The following ZSWIM9 variants were observed in gnomAD, a reference collection of about 807,000 sequenced individuals.
The protein encoded by ZSWIM9 is zinc finger SWIM-type containing 9.
In ZSWIM9, 11 loss-of-function variants were observed where a neutral mutation model predicts 25.0. The ratio of observed to expected loss-of-function variants is 0.44; its 90% CI spans 0.28 to 0.73. The LOEUF (loss-of-function observed/expected upper bound fraction) is 0.73. ZSWIM9 is among the 30% of genes least tolerant of loss of function. ZSWIM9 has a pLI of 0.16. For missense variants in ZSWIM9, 1,070 were observed against 1,296.5 expected (o/e 0.83, Z 2.68); for synonymous variants, 562 against 582.1 (o/e 0.97, Z 0.50).
chr19:48,180,325 A>AT (rs33956249), intron 2 of ZSWIM9, among the ~76,000 whole-genome samples: 27,553 of 140,228 alleles, frequency 0.2, 3,187 homozygotes, highest in African/African-American at 0.34. Flanking sequence ...CATTCTTCCA[A>AT]TTTTTTTTTT....
intron 3 of ZSWIM9, among the ~76,000 whole-genome samples, chr19:48,190,203 CAA>C (rs34456808): frequency 6.4e-4 from 84 of 130,562 alleles, no homozygotes; most frequent in Middle Eastern, 3.9e-3. Flanking sequence ...GACTCCATCT[CAA>C]AAAAAAAAAA....
intron 2 of ZSWIM9, chr19:48,180,869 T>C (rs1321633800): frequency 1.3e-5 from 2 of 150,408 alleles, no homozygotes; most frequent in African/African-American, 4.9e-5. Context: ...GCCATTCTCC[T>C]TCCTCAGCCT....
chr19:48,180,093 C>T (rs569169103), intron 2 of ZSWIM9, among the ~76,000 whole-genome samples: 6 of 151,824 alleles, frequency 4.0e-5, no homozygotes, highest in East Asian at 3.9e-4. Flanking sequence ...CTCGGCTCAC[C>T]GCAACGTCCG....
rs553568584 is a variant in ZSWIM9, at chr19:48,197,167, G to A, written c.*340G>A. The A allele has an allele frequency of 1.3e-5, 9 of 697,138 alleles. No individual in the cohort carries two copies. Among genetic ancestry groups the A allele is most frequent in the South Asian group, 3.0e-5 (2 of 66,886 alleles). The allele number at this position is 697,138 out of a possible 1,614,324, so 43.2% of individuals were successfully genotyped here. A position where few individuals can be genotyped will look rare whatever the true frequency, so the allele number is the denominator to read the frequency against. On this transcript the variant is annotated 3_prime_UTR_variant, in exon 4 of 4. Coordinates refer to ENST00000614654, the MANE Select transcript of ZSWIM9 (RefSeq NM_199341.4). ...AGAGCTGGGGGGAGGGGGAGGAAGC[G>A]ATCATATGGGGAGTGTCTGGCAAGA...
At chr19:48,192,466 A>ATGTATAT (rs1480286362) in intron 3 of ZSWIM9, among the ~76,000 whole-genome samples, 4 of 22,798 alleles carry the variant, frequency 1.8e-4, no homozygotes, top group Non-Finnish European at 4.1e-4. Flanking sequence ...AAAAAAAAAA[A>ATGTATAT]AAAAAAAAAA....
rs936038129 is a variant in ZSWIM9, at chr19:48,195,411, C to T, written c.1347C>T (p.Gly449=). 2.1e-5 allele frequency: 31 copies of T among 1,460,520 alleles called. No individual in the cohort carries two copies. The highest frequency in any genetic ancestry group is 2.7e-5 in the Non-Finnish European group (30 of 1,115,976). 90.5% of individuals were successfully genotyped at this position (1,460,520 alleles called of 1,614,324 possible). A position where few individuals can be genotyped will look rare whatever the true frequency, so the allele number is the denominator to read the frequency against. The change falls in exon 4 of 4, where the codon GGC becomes GGT. Residue 449 remains glycine (G), a synonymous_variant. Transcript: ENST00000614654. This position sits in a 1 kb window ranked among gnomAD's most constrained non-coding sequence, Gnocchi z 5.8. ...AGEAVPEGPD[G]GGPWLEDEPG... ...AGGCGGTGCCCGAGGGGCCCGATGG[C>T]GGGGGGCCTTGGCTGGAGGATGAGC...
chr19:48,181,505 T>C (rs2036948259), intron 2 of ZSWIM9: 1 of 152,216 alleles, frequency 6.6e-6, no homozygotes, highest in South Asian at 2.1e-4. Flanking sequence ...TCTCACTCTA[T>C]TGTTGGATAT....
At position 48,196,123 on chromosome 19, in the gene ZSWIM9, G is replaced by C; in HGVS notation, c.2059G>C (p.Glu687Gln). The C allele has an allele frequency of 8.0e-7, 1 of 1,243,752 alleles. No individual in the cohort carries two copies. The highest frequency in any genetic ancestry group is 3.8e-5 in the South Asian group (1 of 26,220). The allele number at this position is 1,243,752 out of a possible 1,614,324, so 77.0% of individuals were successfully genotyped here. Reference protein sequence around the residue: ...ENGDQRGPQWEDERRRGPEIA... With the variant: ...ENGDQRGPQWQDERRRGPEIA... ...CGGAGACCAAAGGGGACCCCAGTGG[G>C]AAGATGAGAGGAGGAGAGGGCCAGA... The change falls in exon 4 of 4, where the codon GAA (glutamate) becomes CAA (glutamine). Residue 687 changes from glutamate to glutamine, a missense_variant. Physicochemically the swap from Glu to Gln is conservative, Grantham distance 29. Around this residue, in one of 4 missense-constraint regions of ZSWIM9, gnomAD observed 583 missense variants for 624.7 expected, o/e 0.93. Transcript: ENST00000614654.
intron 2 of ZSWIM9, 50 bp downstream of exon 2, chr19:48,172,127 G>T: frequency 7.3e-7 from 1 of 1,369,340 alleles, no homozygotes; most frequent in Non-Finnish European, 9.8e-7. Context: ...GAGCACCGGG[G>T]GTGGGTGTGG....
At chr19:48,189,203 ATTG>A (rs1483465125) in intron 3 of ZSWIM9, among the ~76,000 whole-genome samples, 1 of 152,158 alleles carries the variant, frequency 6.6e-6, no homozygotes, top group African/African-American at 2.4e-5. Context: ...AAGGTTAATC[ATTG>A]TTGTTTGTGA....
chr19:48,182,802 G>T lies in ZSWIM9; in HGVS notation c.588+35G>T. On this transcript the variant is annotated intron_variant, in intron 3 of 3. Transcript: ENST00000614654. The surrounding 1 kb of genome is among the most constrained non-coding windows in gnomAD (Gnocchi z 4.6). ...CGAGAGAGGCAGGCCGGGGGAGGGG[G>T]CGGGGGAAAGCCGCGCTGAAGACTC... 1.4e-6 allele frequency: 2 copies of T among 1,467,870 alleles called. No homozygotes were observed. Among genetic ancestry groups the T allele is most frequent in the South Asian group, 2.6e-5 (2 of 78,172 alleles). 90.9% of individuals were successfully genotyped at this position (1,467,870 alleles called of 1,614,324 possible).
In ZSWIM9 at chr19:48,196,858, C is replaced by T. The variant is rs2037173643; in HGVS notation, c.*31C>T. ...CATGCCTCTGCCCACCACCCTCCAC[C>T]AGGAGGGTCGGAGGGCATTCTTCGA... On this transcript the variant is annotated 3_prime_UTR_variant, in exon 4 of 4. Transcript: ENST00000614654. 2 of 1,246,568 alleles carry T rather than the reference C, an allele frequency of 1.6e-6. No homozygotes were observed. Among genetic ancestry groups the T allele is most frequent in the Middle Eastern group, 3.1e-4 (1 of 3,232 alleles). The allele number at this position is 1,246,568 out of a possible 1,614,324, so 77.2% of individuals were successfully genotyped here.
At position 48,197,223 on chromosome 19, in the gene ZSWIM9, G is replaced by C. The variant is rs755660565; in HGVS notation, c.*396G>C. On this transcript the variant is annotated 3_prime_UTR_variant, in exon 4 of 4. Transcript: ENST00000614654. ...CTGGCCAGTCTAGGGAGTGCAGCGGGGAGAGGGGAAAGGGAGAAAGTACAG... is the reference window on the plus strand; with the variant it reads ...CTGGCCAGTCTAGGGAGTGCAGCGGCGAGAGGGGAAAGGGAGAAAGTACAG... 6 of 702,506 alleles carry C rather than the reference G, an allele frequency of 8.5e-6. No individual in the cohort carries two copies. In the South Asian group the frequency reaches 8.9e-5, roughly 10 times the overall value. 43.5% of individuals were successfully genotyped at this position (702,506 alleles called of 1,614,324 possible).
At chr19:48,177,488 A>G (rs2036904898) in intron 2 of ZSWIM9, among the ~76,000 whole-genome samples, 1 of 152,238 alleles carries the variant, frequency 6.6e-6, no homozygotes, top group Non-Finnish European at 1.5e-5. Context: ...TGTGGAATTT[A>G]CATTTAGCGG....
Position 48,194,390 on chromosome 19 carries a change from G to A in ZSWIM9, c.589-263G>A, listed in dbSNP as rs139908957. Among the ~76,000 whole-genome samples the A allele has an allele frequency of 3.5e-3, 534 of 152,330 alleles. 4 individuals carry two copies. Among genetic ancestry groups the A allele is most frequent in the African/African-American group, 0.012 (487 of 41,576 alleles). On this transcript the variant is annotated intron_variant, in intron 3 of 3. Coordinates refer to ENST00000614654, the MANE Select transcript of ZSWIM9 (RefSeq NM_199341.4). This position sits in a 1 kb window ranked among gnomAD's most constrained non-coding sequence, Gnocchi z 6.0. ...CCGGCGGAGGAAACTGAGGCTCAGA[G>A]AAGCTAAAAGTGTCATGTGGAAAAA...
chr19:48,172,187 G>A, intron 2 of ZSWIM9, 110 bp downstream of exon 2: 1 of 1,071,998 alleles, frequency 9.3e-7, no homozygotes, highest in South Asian at 1.6e-5. Flanking sequence ...AGGGGGAGAG[G>A]CCAACTGAGG....
chr19:48,175,906 G>C (rs998396487), intron 2 of ZSWIM9, among the ~76,000 whole-genome samples: 1 of 152,130 alleles, frequency 6.6e-6, no homozygotes, highest in African/African-American at 2.4e-5. Context: ...AAACCTGAAC[G>C]ATCAAGAATA....
intron 2 of ZSWIM9, among the ~76,000 whole-genome samples, chr19:48,173,902 A>G (rs1290267429): frequency 6.6e-6 from 1 of 152,224 alleles, no homozygotes; most frequent in African/African-American, 2.4e-5. Context: ...TGCTGGGATT[A>G]CAGGTGTGAG....
chr19:48,171,956 C>T lies in ZSWIM9; in HGVS notation c.154C>T (p.His52Tyr). The T allele has an allele frequency of 6.5e-7, 1 of 1,535,834 alleles. No individual in the cohort carries two copies. The change falls in exon 2 of 4, where the codon CAC (histidine) becomes TAC (tyrosine). Residue 52 changes from histidine to tyrosine, a missense_variant. By Grantham distance (83) the His-to-Tyr change is moderately conservative. Coordinates refer to ENST00000614654, the MANE Select transcript of ZSWIM9 (RefSeq NM_199341.4). ...LALFFVKSSM[H>Y]LARCRWASAP... ...GCTCTTCTTCGTCAAGAGCTCCATGCACCTGGCGCGCTGCCGCTGGGCCAG... is the reference window on the plus strand; with the variant it reads ...GCTCTTCTTCGTCAAGAGCTCCATGTACCTGGCGCGCTGCCGCTGGGCCAG...
Sources: gnomAD v4.1 joint callset for allele counts (sites outside exome capture counted in the v4.1 genomes callset) on GRCh38, gnomAD v4.1.1 for gene constraint, gnomAD v4.1.1 regional missense constraint, Gnocchi (gnomAD v3.1) non-coding constraint, MANE v1.5 for transcripts, NCBI Gene and HGNC (gene_info 2026-07-23, HGNC 2026-07-21) for gene names.